GYPB: variants seen among roughly 807,000 people sequenced by gnomAD.
GYPB encodes the protein glycophorin-B.
Under a neutral mutation model 15.3 loss-of-function variants are expected in GYPB, and 13 were observed. The observed-to-expected ratio is 0.85, with a 90% CI of 0.55 to 1.35. The LOEUF is 1.35. Ranked by LOEUF, GYPB falls within the 40% of genes most tolerant of loss-of-function variation. The pLI is 0.00. For synonymous variants in GYPB, 38 were observed against 36.9 expected (o/e 1.03, Z -0.11); for missense variants, 131 against 108.3 (o/e 1.21, Z -0.93).
chr4:144,009,136 A>G (rs1579062414), intron 1 of GYPB, among the ~76,000 whole-genome samples: 1 of 151,184 alleles, frequency 6.6e-6, no homozygotes, highest in Non-Finnish European at 1.5e-5. Context: ...ATTTTACTTT[A>G]ATCACTTTCC....
At chr4:144,017,479 G>T (rs1728567351) in intron 1 of GYPB, among the ~76,000 whole-genome samples, 1 of 151,178 alleles carries the variant, frequency 6.6e-6, no homozygotes, top group Non-Finnish European at 1.5e-5. Context: ...TCCTTGGAGG[G>T]TTTCTGCTAC....
intron 1 of GYPB, among the ~76,000 whole-genome samples, chr4:144,016,107 A>G (rs1308903512): frequency 2.0e-5 from 3 of 147,768 alleles, no homozygotes; most frequent in Non-Finnish European, 3.0e-5. Flanking sequence ...CCAATTAAAT[A>G]GACAGCTAGC....
chr4:144,009,196 G>C (rs1728083983), intron 1 of GYPB, among the ~76,000 whole-genome samples: 2 of 151,278 alleles, frequency 1.3e-5, no homozygotes, highest in Non-Finnish European at 2.9e-5. Context: ...ACTGCTTGGT[G>C]GAAGCTGGCC....
At chr4:144,012,535 A>G (rs913657113) in intron 1 of GYPB, 2 of 150,844 alleles carry the variant, frequency 1.3e-5, no homozygotes, top group African/African-American at 4.9e-5. Flanking sequence ...TTGAAGAAGA[A>G]CACAGTTTGG....
At chr4:143,995,447 G>C (rs550908175), downstream of GYPB, among the ~76,000 whole-genome samples, 22 of 151,418 alleles carry the variant, frequency 1.5e-4, 4 homozygotes, top group African/African-American at 5.4e-4. Flanking sequence ...AAGGCAGTCA[G>C]AATGTATCTG....
At chr4:144,001,638 G>A (rs1727631797) in intron 1 of GYPB, among the ~76,000 whole-genome samples, 1 of 151,268 alleles carries the variant, frequency 6.6e-6, no homozygotes, top group Non-Finnish European at 1.5e-5. Context: ...TGTATGTGAT[G>A]TGTATGTGTT....
chr4:144,000,501 G>A lies in GYPB; in HGVS notation c.136+684C>T, dbSNP rs1264479577. 1.2e-5 allele frequency: 8 copies of A among 693,258 alleles called. No homozygotes were observed. In the Admixed American group the frequency reaches 2.1e-4, roughly 18 times the overall value. 42.9% of individuals were successfully genotyped at this position (693,258 alleles called of 1,614,324 possible). On this transcript the variant is annotated intron_variant, in intron 2 of 4. Transcript: ENST00000502664. ...CTGCATATAAGAGAAGTTGAGAAAG[G>A]GAACAAGAATGAGGTGACTGCGTGG...
In GYPB at chr4:143,997,545, T is replaced by C. The variant is rs761608086; in HGVS notation, c.265A>G (p.Ile89Val). Reference protein sequence around the residue: ...LLISYSIRRLIKA With the variant: ...LLISYSIRRLVKA ...ATTAAAAACTGAATTCTCACCTTTA[T>C]CAGTCGGCGAATACTGTAAGAAATT... The change falls in exon 4 of 5, where the codon ATA becomes GTA. Residue 89 changes from isoleucine (I) to valine (V), a missense_variant. Coordinates refer to ENST00000502664, the MANE Select transcript of GYPB (RefSeq NM_002100.6). The C allele has an allele frequency of 1.3e-6, 2 of 1,561,144 alleles. No individual in the cohort carries two copies. Among genetic ancestry groups the C allele is most frequent in the Non-Finnish European group, 1.8e-6 (2 of 1,134,584 alleles).
At chr4:144,011,717 ATT>A (rs1174850508) in intron 1 of GYPB, among the ~76,000 whole-genome samples, 5 of 151,350 alleles carry the variant, frequency 3.3e-5, no homozygotes, top group Non-Finnish European at 7.3e-5. Flanking sequence ...GATTTATATG[ATT>A]TTTTGCTAAC....
intron 1 of GYPB, among the ~76,000 whole-genome samples, chr4:144,013,031 A>C (rs1453938195): frequency 6.6e-6 from 1 of 151,704 alleles, no homozygotes; most frequent in Non-Finnish European, 1.5e-5. Flanking sequence ...ATGAAGGAAA[A>C]GATTTGCAAA....
chr4:143,996,603 A>T (rs1382867268), intron 4 of GYPB, among the ~76,000 whole-genome samples: 2 of 150,664 alleles, frequency 1.3e-5, no homozygotes, highest in African/African-American at 2.5e-5. Context: ...CATCTCTGCT[A>T]TTAAAAAAAT....
intron 1 of GYPB, among the ~76,000 whole-genome samples, chr4:144,011,316 G>C (rs1215919073): frequency 1.3e-5 from 2 of 151,314 alleles, no homozygotes; most frequent in African/African-American, 4.9e-5. Context: ...GGAGGCAGAG[G>C]TTGCAGTGAG....
rs376180081 is a variant in GYPB, at chr4:144,010,806, T to A, written c.37+8445A>T. Among the ~76,000 whole-genome samples the A allele has an allele frequency of 4.5e-4, 68 of 151,456 alleles. 1 individual carries two copies. Among genetic ancestry groups the A allele is most frequent in the Middle Eastern group, 3.4e-3 (1 of 294 alleles). On this transcript the variant is annotated intron_variant, in intron 1 of 4. Transcript: ENST00000502664. ...CAGAAAGTCTAAGACTTTCTATGTG[T>A]GCTGCACCACTAAAATGGGAATTCT...
rs562498945 is a variant in GYPB, at chr4:144,018,396, G to GTA, written c.37+854_37+855insTA. Among the ~76,000 whole-genome samples, 130 of 150,100 alleles carry GTA rather than the reference G, an allele frequency of 8.7e-4. 8 individuals carry two copies. Among genetic ancestry groups the GTA allele is most frequent in the African/African-American group, 3.3e-3 (129 of 39,524 alleles). On this transcript the variant is annotated intron_variant, in intron 1 of 4. Coordinates refer to ENST00000502664, the MANE Select transcript of GYPB (RefSeq NM_002100.6). Reference sequence around the variant, plus strand: ...ATCTCTCTTCCCTGTATGCTACAGAGTGCTCAGTAGATCCTTGATACTTGC... The same window carrying GTA: ...ATCTCTCTTCCCTGTATGCTACAGAGTATGCTCAGTAGATCCTTGATACTTGC...
chr4:144,013,886 G>C (rs1426870121), intron 1 of GYPB, among the ~76,000 whole-genome samples: 4 of 150,752 alleles, frequency 2.7e-5, no homozygotes, highest in Non-Finnish European at 4.4e-5. Flanking sequence ...CCTGCACATT[G>C]TGCACATGTA....
At chr4:144,013,710 A>C (rs530224851) in intron 1 of GYPB, among the ~76,000 whole-genome samples, 2 of 133,742 alleles carry the variant, frequency 1.5e-5, no homozygotes, top group African/African-American at 5.6e-5. Context: ...ATAGGTGGGA[A>C]TTGAACAATG....
chr4:144,018,988 T>G (rs564147662), intron 1 of GYPB, among the ~76,000 whole-genome samples: 1 of 151,530 alleles, frequency 6.6e-6, no homozygotes, highest in South Asian at 2.1e-4. Flanking sequence ...TTTGATAAAA[T>G]TATTTTAATT....
At chr4:144,003,287 G>T (rs2149959976) in intron 1 of GYPB, among the ~76,000 whole-genome samples, 1 of 151,366 alleles carries the variant, frequency 6.6e-6, no homozygotes, top group East Asian at 1.9e-4. Flanking sequence ...TAGTATGGAG[G>T]ATAACTTAGG....
intron 1 of GYPB, among the ~76,000 whole-genome samples, chr4:144,012,933 A>T (rs71620719): frequency 9.0e-6 from 1 of 111,710 alleles, no homozygotes; most frequent in Admixed American, 9.1e-5. Context: ...AGCGTAAGCA[A>T]CAAAAGAAAA....
Sources: gnomAD v4.1 joint callset for allele counts (sites outside exome capture counted in the v4.1 genomes callset) on GRCh38, gnomAD v4.1.1 for gene constraint, MANE v1.5 for transcripts, NCBI Gene and HGNC (gene_info 2026-07-23, HGNC 2026-07-21) for gene names.